The following RIMS2 variants were observed in gnomAD, a reference collection of about 807,000 sequenced individuals.
RIMS2 encodes the protein regulating synaptic membrane exocytosis 2, also known as regulating synaptic membrane exocytosis protein 2.
RIMS2 carries 59 observed loss-of-function variants against 174.4 expected under a neutral mutation model. The ratio of observed to expected loss-of-function variants is 0.34; its 90% CI spans 0.27 to 0.42. RIMS2 has a LOEUF of 0.42. RIMS2 is among the 10% of genes least tolerant of loss of function. The pLI is 1.00. For missense variants in RIMS2, 1,620 were observed against 1,666.3 expected (o/e 0.97, Z 0.48); for synonymous variants, 606 against 572.5 (o/e 1.06, Z -0.84).
At chr8:103,655,802 G>C (rs1048029894) in intron 1 of RIMS2, among the ~76,000 whole-genome samples, 1 of 152,090 alleles carries the variant, frequency 6.6e-6, no homozygotes, top group African/African-American at 2.4e-5. Context: ...AGGAGATGAG[G>C]TTCCAGAGGT....
In RIMS2 at chr8:103,769,044, C is replaced by G. The variant is rs1179027630; in HGVS notation, c.698+2507C>G. On this transcript the variant is annotated intron_variant, in intron 3 of 23. Transcript: ENST00000504942. ...GTCAGAAATAAGATTTTTTGAATAA[C>G]AAATCGATAAGATCAGACTAAAAAA... 5 of 302,198 alleles carry G rather than the reference C, an allele frequency of 1.7e-5. No individual in the cohort carries two copies. In the East Asian group the frequency reaches 3.2e-4, roughly 19 times the overall value. 18.7% of individuals were successfully genotyped at this position (302,198 alleles called of 1,614,324 possible).
chr8:104,065,110 AG>A lies in RIMS2; in HGVS notation c.3334+50497del, dbSNP rs536652196. 3.0e-4 allele frequency among the ~76,000 whole-genome samples: 45 copies of A among 152,168 alleles called. No homozygotes were observed. The South Asian group carries it at 5.8e-3, about 20-fold the overall frequency. ...CAATATATAAACAGATGGAGAAAAAAGGTAAGTGTTCTGTGGTCAAGTGGTT... is the reference window on the plus strand; with the variant it reads ...CAATATATAAACAGATGGAGAAAAAAGTAAGTGTTCTGTGGTCAAGTGGTT... On this transcript the variant is annotated intron_variant, in intron 19 of 23. Transcript: ENST00000504942.
At chr8:103,653,388 A>G (rs1446671305) in intron 1 of RIMS2, among the ~76,000 whole-genome samples, 3 of 152,170 alleles carry the variant, frequency 2.0e-5, no homozygotes, top group African/African-American at 7.2e-5. Context: ...AATATTATTT[A>G]TGTTGTGAAG....
chr8:103,564,149 T>C lies in RIMS2; in HGVS notation c.176+63087T>C, dbSNP rs2092021401. Among the ~76,000 whole-genome samples the C allele has an allele frequency of 5.9e-5, 9 of 152,222 alleles. No individual in the cohort carries two copies. The South Asian group carries it at 1.9e-3, about 31-fold the overall frequency. On this transcript the variant is annotated intron_variant, in intron 1 of 23. Coordinates refer to ENST00000504942, the Ensembl canonical transcript of RIMS2. ...CTGCACAGGAGAAGAACATAACTTT[T>C]GTTAAGACATGCACTAAAGTTAATC...
chr8:104,226,288 CTCT>C, intron 19 of RIMS2, among the ~76,000 whole-genome samples: 1 of 152,280 alleles, frequency 6.6e-6, no homozygotes, highest in Non-Finnish European at 1.5e-5. Flanking sequence ...TAAAGCTAGT[CTCT>C]TTTTTTTATT....
chr8:103,891,105 T>C (rs937110276), intron 4 of RIMS2, among the ~76,000 whole-genome samples: 4 of 152,040 alleles, frequency 2.6e-5, no homozygotes, highest in Non-Finnish European at 4.4e-5. Context: ...ATCCACTTCA[T>C]TGGGTCTCCT....
At chr8:103,664,666 A>T (rs545800660) in intron 1 of RIMS2, among the ~76,000 whole-genome samples, 1 of 152,334 alleles carries the variant, frequency 6.6e-6, no homozygotes, top group African/African-American at 2.4e-5. Flanking sequence ...GAACACTTTT[A>T]CACTGTTGGT....
At chr8:104,075,167 G>A (rs1476917881) in intron 19 of RIMS2, among the ~76,000 whole-genome samples, 1 of 152,062 alleles carries the variant, frequency 6.6e-6, no homozygotes, top group African/African-American at 2.4e-5. Flanking sequence ...AGGAAGAGCT[G>A]CTGCAGCGTC....
chr8:104,071,914 A>G (rs1181754703), intron 19 of RIMS2, among the ~76,000 whole-genome samples: 1 of 152,240 alleles, frequency 6.6e-6, no homozygotes, highest in East Asian at 1.9e-4. Context: ...AAATGGAGAC[A>G]TTTTGAGAAT....
At chr8:104,142,823 C>T (rs779410975) in intron 19 of RIMS2, among the ~76,000 whole-genome samples, 11 of 152,190 alleles carry the variant, frequency 7.2e-5, no homozygotes, top group South Asian at 2.1e-4. Context: ...CACAGACACA[C>T]GCGTGCACCC....
intron 1 of RIMS2, among the ~76,000 whole-genome samples, chr8:103,655,120 C>T (rs531809568): frequency 4.6e-5 from 7 of 152,002 alleles, no homozygotes; most frequent in Admixed American, 3.9e-4. Context: ...AAGTAGACTA[C>T]TGTATATTCA....
intron 16 of RIMS2, chr8:103,977,040 A>C (rs2093507114): frequency 6.6e-6 from 1 of 152,224 alleles, no homozygotes; most frequent in Non-Finnish European, 1.5e-5. Context: ...AATTTTGACC[A>C]GTTAGAATGA....
chr8:103,570,901 A>G (rs2092758024), intron 1 of RIMS2, among the ~76,000 whole-genome samples: 1 of 152,134 alleles, frequency 6.6e-6, no homozygotes, highest in South Asian at 2.1e-4. Flanking sequence ...TTTTGCACCA[A>G]CCTAAGTATT....
At chr8:103,577,127 A>T (rs898673897) in intron 1 of RIMS2, among the ~76,000 whole-genome samples, 2 of 152,242 alleles carry the variant, frequency 1.3e-5, no homozygotes, top group African/African-American at 4.8e-5. Flanking sequence ...CTATCATCAG[A>T]GTGAACAGGC....
intron 16 of RIMS2, among the ~76,000 whole-genome samples, chr8:103,983,786 A>T (rs1184754831): frequency 6.6e-6 from 1 of 152,218 alleles, no homozygotes; most frequent in Non-Finnish European, 1.5e-5. Flanking sequence ...ACCTAAATCT[A>T]TGAAACTATT....
intron 19 of RIMS2, among the ~76,000 whole-genome samples, chr8:104,060,199 C>T (rs1300364332): frequency 6.6e-5 from 10 of 151,612 alleles, no homozygotes; most frequent in Admixed American, 6.6e-4. Flanking sequence ...CCATCTGGTC[C>T]TGGACTCTTT....
intron 19 of RIMS2, 45 bp downstream of exon 24, chr8:104,093,688 G>C: frequency 7.1e-7 from 1 of 1,409,294 alleles, no homozygotes; most frequent in Non-Finnish European, 9.7e-7. Context: ...TGTTTTAGAA[G>C]GTCTTTATGT....
intron 1 of RIMS2, among the ~76,000 whole-genome samples, chr8:103,606,616 T>C (rs900891774): frequency 2.6e-5 from 4 of 152,130 alleles, no homozygotes; most frequent in African/African-American, 7.2e-5. Context: ...AAGTCTCCCA[T>C]TATTAATGTG....
chr8:104,252,988 G>C (rs1024083272), downstream of RIMS2: 8 of 152,262 alleles, frequency 5.3e-5, no homozygotes, highest in Non-Finnish European at 1.2e-4. Flanking sequence ...AATTTCTCAA[G>C]GGAAAATTAA....
Sources: allele counts gnomAD v4.1 joint callset (sites outside exome capture counted in the v4.1 genomes callset), GRCh38; gene constraint gnomAD v4.1.1; transcripts MANE v1.5; gene names NCBI Gene and HGNC (gene_info 2026-07-23, HGNC 2026-07-21).